The following MBOAT1 variants were observed in gnomAD, a reference collection of about 807,000 sequenced individuals.
MBOAT1 encodes membrane bound glycerophospholipid O-acyltransferase 1.
In MBOAT1, 67 loss-of-function variants were observed where a neutral mutation model predicts 64.4. The ratio of observed to expected loss-of-function variants is 1.04; its 90% CI spans 0.85 to 1.27. The LOEUF (loss-of-function observed/expected upper bound fraction) is 1.27. MBOAT1 is among the 50% of genes most tolerant of loss of function. The probability of loss-of-function intolerance (pLI) is 0.00; values close to 1 mark genes in which losing one functional copy is unlikely to be tolerated. For missense variants in MBOAT1, 563 were observed against 604.6 expected (o/e 0.93, Z 0.72); for synonymous variants, 229 against 218.9 (o/e 1.05, Z -0.41).
chr6:20,122,726 G>A (rs993207375), intron 8 of MBOAT1, among the ~76,000 whole-genome samples: 5 of 152,046 alleles, frequency 3.3e-5, no homozygotes, highest in Non-Finnish European at 5.9e-5. Context: ...AGAGATAGAC[G>A]GTGGTGATAG....
At chr6:20,118,054 G>C (rs541190440) in intron 9 of MBOAT1, among the ~76,000 whole-genome samples, 1 of 152,254 alleles carries the variant, frequency 6.6e-6, no homozygotes, top group African/African-American at 2.4e-5. Context: ...TTGCAATATT[G>C]AAATCAAAAT....
At chr6:20,116,445 C>T (rs867357146) in intron 9 of MBOAT1, among the ~76,000 whole-genome samples, 7 of 151,960 alleles carry the variant, frequency 4.6e-5, no homozygotes, top group South Asian at 2.1e-4. Context: ...TGTTTTCAAC[C>T]GTAAGAAAAT....
chr6:20,145,468 G>A (rs568921868), intron 3 of MBOAT1, among the ~76,000 whole-genome samples: 18 of 152,310 alleles, frequency 1.2e-4, no homozygotes, highest in African/African-American at 4.1e-4. Context: ...AGCTCCATGA[G>A]GGCAAAGATG....
chr6:20,212,003 C>A (rs893237924), intron 1 of MBOAT1, 133 bp downstream of exon 1: 36 of 722,448 alleles, frequency 5.0e-5, no homozygotes, highest in Middle Eastern at 3.1e-4. Flanking sequence ...CACACACACA[C>A]AAAAACCAAC....
chr6:20,118,989 G>A (rs761907764), intron 8 of MBOAT1, among the ~76,000 whole-genome samples: 2 of 152,166 alleles, frequency 1.3e-5, no homozygotes, highest in Non-Finnish European at 2.9e-5. Flanking sequence ...ACTAAAGATA[G>A]CAGGGCATTA....
intron 1 of MBOAT1, among the ~76,000 whole-genome samples, chr6:20,193,629 A>G (rs528123892): frequency 7.1e-6 from 1 of 141,466 alleles, no homozygotes; most frequent in Non-Finnish European, 1.5e-5. Context: ...TTTTTTAAAG[A>G]TGGAGTCTCG....
intron 1 of MBOAT1, among the ~76,000 whole-genome samples, chr6:20,169,589 G>A (rs1335814256): frequency 6.7e-6 from 1 of 149,036 alleles, no homozygotes. Context: ...AAGAGTCAAA[G>A]TAACTACAAT....
At chr6:20,162,795 T>C (rs1001003933) in intron 1 of MBOAT1, among the ~76,000 whole-genome samples, 22 of 152,210 alleles carry the variant, frequency 1.4e-4, no homozygotes, top group African/African-American at 4.8e-4. Context: ...TGAATTAAAC[T>C]GATAGAGCTG....
At chr6:20,115,598 G>A (rs566334313) in intron 9 of MBOAT1, among the ~76,000 whole-genome samples, 5 of 152,230 alleles carry the variant, frequency 3.3e-5, no homozygotes, top group East Asian at 1.9e-4. Flanking sequence ...CAAATTACAG[G>A]AAAACTGAAG....
At chr6:20,169,399 A>T (rs540680241) in intron 1 of MBOAT1, among the ~76,000 whole-genome samples, 1 of 152,340 alleles carries the variant, frequency 6.6e-6, no homozygotes, top group Admixed American at 6.5e-5. Context: ...CACAATTGTC[A>T]CAACTCCAAG....
At chr6:20,169,415 A>T (rs915542880) in intron 1 of MBOAT1, among the ~76,000 whole-genome samples, 1 of 152,230 alleles carries the variant, frequency 6.6e-6, no homozygotes, top group African/African-American at 2.4e-5. Context: ...CCAAGAGTGC[A>T]GGGACCCAAA....
chr6:20,181,584 G>T (rs1762510883), intron 1 of MBOAT1, among the ~76,000 whole-genome samples: 1 of 152,230 alleles, frequency 6.6e-6, no homozygotes. Context: ...ACACCGTACT[G>T]TGCTTACAAA....
chr6:20,116,337 A>C (rs1193615205), intron 9 of MBOAT1, among the ~76,000 whole-genome samples: 1 of 151,960 alleles, frequency 6.6e-6, no homozygotes, highest in Non-Finnish European at 1.5e-5. Flanking sequence ...ATCTCAAAAA[A>C]AAAATAAAAA....
intron 12 of MBOAT1, 34 bp from the exon 13 acceptor site, chr6:20,102,446 A>G: frequency 1.3e-6 from 2 of 1,559,622 alleles, no homozygotes; most frequent in African/African-American, 2.7e-5. Flanking sequence ...TTATATTTCA[A>G]ATAAGGATGT....
At chr6:20,207,828 C>T (rs1274549327) in intron 1 of MBOAT1, among the ~76,000 whole-genome samples, 1 of 152,238 alleles carries the variant, frequency 6.6e-6, no homozygotes, top group Non-Finnish European at 1.5e-5. Flanking sequence ...TCCACGACGG[C>T]ACCATCTACA....
At position 20,143,384 on chromosome 6, in the gene MBOAT1, C is replaced by A. The variant is rs114057409; in HGVS notation, c.419+836G>T. Among the ~76,000 whole-genome samples, 819 of 152,320 alleles carry A rather than the reference C, an allele frequency of 5.4e-3. 2 individuals are homozygous for A. The highest frequency in any genetic ancestry group is 0.017 in the South Asian group (84 of 4,822). Reference sequence around the variant, plus strand: ...TGTTTAGAAATTATCCTTCTAGTTGCTGAAGGTCAAGGAGGCCTGGGGGCC... The same window carrying A: ...TGTTTAGAAATTATCCTTCTAGTTGATGAAGGTCAAGGAGGCCTGGGGGCC... On this transcript the variant is annotated intron_variant, in intron 4 of 12. Transcript: ENST00000324607.
chr6:20,117,578 T>C (rs1368517887), intron 9 of MBOAT1, among the ~76,000 whole-genome samples: 3 of 152,258 alleles, frequency 2.0e-5, no homozygotes, highest in Non-Finnish European at 4.4e-5. Context: ...TGCCTCCTTC[T>C]GGCCTAGTTT....
chr6:20,136,522 A>G (rs1172046739), intron 4 of MBOAT1, among the ~76,000 whole-genome samples: 1 of 152,194 alleles, frequency 6.6e-6, no homozygotes, highest in Non-Finnish European at 1.5e-5. Context: ...TTTCCCTATT[A>G]TGGAACCCAA....
rs1385672684 is a variant in MBOAT1, at chr6:20,180,659, GC to G, written c.100-27891del. Among the ~76,000 whole-genome samples, 31 of 152,294 alleles carry G rather than the reference GC, an allele frequency of 2.0e-4. 1 individual carries two copies. The highest frequency in any genetic ancestry group is 5.3e-4 in the African/African-American group (22 of 41,558). On this transcript the variant is annotated intron_variant, in intron 1 of 12. Transcript: ENST00000324607. ...TGACAACAAAATCCCACTTTGAGCT[GC>G]CCTTAACCTCATGAGAATTGCTGGA...
Sources: allele counts gnomAD v4.1 joint callset (sites outside exome capture counted in the v4.1 genomes callset), GRCh38; gene constraint gnomAD v4.1.1; transcripts MANE v1.5; gene names NCBI Gene and HGNC (gene_info 2026-07-23, HGNC 2026-07-21).